ARHGAP26: variants seen among roughly 807,000 people sequenced by gnomAD.
ARHGAP26 encodes Rho GTPase activating protein 26.
In ARHGAP26, 38 loss-of-function variants were observed where a neutral mutation model predicts 104.8. The ratio of observed to expected loss-of-function variants is 0.36; its 90% CI spans 0.28 to 0.48. The LOEUF (loss-of-function observed/expected upper bound fraction) is 0.48. Among genes scored for constraint, ARHGAP26 ranks in the 20% least tolerant of loss-of-function variants. The pLI is 0.99. For missense variants in ARHGAP26, 704 were observed against 947.9 expected (o/e 0.74, Z 3.38); for synonymous variants, 341 against 340.0 (o/e 1.00, Z -0.03).
At chr5:142,962,291 C>G (rs917277272) in intron 11 of ARHGAP26, among the ~76,000 whole-genome samples, 4 of 152,098 alleles carry the variant, frequency 2.6e-5, no homozygotes, top group Non-Finnish European at 5.9e-5. Flanking sequence ...TTTTTTGCAT[C>G]CTTTAACCTC....
chr5:142,821,942 T>C (rs1408360161), intron 1 of ARHGAP26, among the ~76,000 whole-genome samples: 4 of 152,190 alleles, frequency 2.6e-5, no homozygotes, highest in African/African-American at 9.7e-5. Flanking sequence ...CATGAGCTGT[T>C]AGGTTGGCCA....
chr5:142,979,778 T>C (rs1773655220), intron 11 of ARHGAP26, among the ~76,000 whole-genome samples: 1 of 152,170 alleles, frequency 6.6e-6, no homozygotes, highest in South Asian at 2.1e-4. Context: ...GGTAATTCCA[T>C]ATGAAGTTTA....
At chr5:142,890,976 G>A (rs1301937921) in intron 5 of ARHGAP26, among the ~76,000 whole-genome samples, 1 of 152,088 alleles carries the variant, frequency 6.6e-6, no homozygotes, top group African/African-American at 2.4e-5. Flanking sequence ...CTCTGCCTTT[G>A]CAGATTTTCA....
At chr5:142,889,481 G>T (rs115654052) in intron 5 of ARHGAP26, among the ~76,000 whole-genome samples, 6,128 of 152,186 alleles carry the variant, frequency 0.04, 136 homozygotes, top group Middle Eastern at 0.088. Flanking sequence ...AGCTAGATGT[G>T]GTGGCACGCG....
At chr5:142,809,750 C>T (rs1227740849) in intron 1 of ARHGAP26, among the ~76,000 whole-genome samples, 2 of 152,228 alleles carry the variant, frequency 1.3e-5, no homozygotes, top group Non-Finnish European at 2.9e-5. Context: ...ATCTGTCCAT[C>T]CATCCATCCA....
At chr5:142,802,376 C>T (rs1427776370) in intron 1 of ARHGAP26, among the ~76,000 whole-genome samples, 1 of 152,102 alleles carries the variant, frequency 6.6e-6, no homozygotes, top group Non-Finnish European at 1.5e-5. Flanking sequence ...CTGAGATCTG[C>T]CAGTAGATGG....
At chr5:142,842,296 T>C (rs1254081723) in intron 1 of ARHGAP26, among the ~76,000 whole-genome samples, 1 of 152,232 alleles carries the variant, frequency 6.6e-6, no homozygotes, top group Non-Finnish European at 1.5e-5. Flanking sequence ...GCGGCATGTT[T>C]CTTGAAATTG....
intron 20 of ARHGAP26, among the ~76,000 whole-genome samples, chr5:143,169,148 A>G (rs147017334): frequency 6.6e-6 from 1 of 152,192 alleles, no homozygotes; most frequent in Non-Finnish European, 1.5e-5. Flanking sequence ...TCTTCCTCAC[A>G]TGTTTCTGAA....
intron 11 of ARHGAP26, among the ~76,000 whole-genome samples, chr5:142,984,684 T>C (rs982233271): frequency 1.3e-5 from 2 of 152,136 alleles, no homozygotes; most frequent in African/African-American, 4.8e-5. Flanking sequence ...TGTGGTCCCA[T>C]AAGATTATAA....
intron 12 of ARHGAP26, among the ~76,000 whole-genome samples, chr5:143,021,086 C>T (rs1780280119): frequency 6.6e-6 from 1 of 152,194 alleles, no homozygotes; most frequent in African/African-American, 2.4e-5. Flanking sequence ...TAGAATATTA[C>T]AGAAATACAG....
chr5:143,148,747 C>T lies in ARHGAP26; in HGVS notation c.1988+1366C>T, dbSNP rs151013576. On this transcript the variant is annotated intron_variant, in intron 20 of 22. Coordinates refer to ENST00000645722, the MANE Select transcript of ARHGAP26 (RefSeq NM_001135608.3). ...TGAGGTTTGACCTTCTCAGGTTCTCCTATACCCACTTTCCTAGACTTTAGG... is the reference window on the plus strand; with the variant it reads ...TGAGGTTTGACCTTCTCAGGTTCTCTTATACCCACTTTCCTAGACTTTAGG... Among the ~76,000 whole-genome samples the T allele has an allele frequency of 6.5e-3, 991 of 152,294 alleles. 10 individuals are homozygous for T. Among genetic ancestry groups the T allele is most frequent in the Non-Finnish European group, 0.011 (728 of 68,002 alleles).
chr5:143,226,948 T>G lies in ARHGAP26; in HGVS notation c.*4502T>G. On this transcript the variant is annotated 3_prime_UTR_variant, in exon 23 of 23. Coordinates refer to ENST00000645722, the MANE Select transcript of ARHGAP26 (RefSeq NM_001135608.3). ...AGGGAAGGCCTTCTATCCCCTGAGT[T>G]TCTATCAGCTGAAAATGGCAACTGC... 1 of 227,360 alleles carries G rather than the reference T, an allele frequency of 4.4e-6. No individual in the cohort carries two copies. The highest frequency in any genetic ancestry group is 6.3e-5 in the East Asian group (1 of 15,848). 14.1% of individuals were successfully genotyped at this position (227,360 alleles called of 1,614,324 possible). A position where few individuals can be genotyped will look rare whatever the true frequency, so the allele number is the denominator to read the frequency against.
chr5:142,888,744 A>C (rs1758067620), intron 5 of ARHGAP26, among the ~76,000 whole-genome samples: 1 of 152,216 alleles, frequency 6.6e-6, no homozygotes, highest in African/African-American at 2.4e-5. Context: ...CTCGCCTCAA[A>C]AACAGTAGTC....
chr5:143,005,977 ACT>A (rs1387864228), intron 11 of ARHGAP26, among the ~76,000 whole-genome samples: 1 of 151,990 alleles, frequency 6.6e-6, no homozygotes. Flanking sequence ...TTATTTCAGA[ACT>A]CCCCAGTGGT....
At chr5:143,108,356 T>G (rs984893398) in intron 17 of ARHGAP26, among the ~76,000 whole-genome samples, 2 of 152,246 alleles carry the variant, frequency 1.3e-5, no homozygotes, top group African/African-American at 2.4e-5. Context: ...TTTTACCGTA[T>G]GAATTGACCT....
At position 142,980,793 on chromosome 5, in the gene ARHGAP26, A is replaced by C. The variant is rs560819971; in HGVS notation, c.1108-33287A>C. On this transcript the variant is annotated intron_variant, in intron 11 of 22. Coordinates refer to ENST00000645722, the MANE Select transcript of ARHGAP26 (RefSeq NM_001135608.3). ...CATAAGGGACACAAATCTTTACCTT[A>C]GTAAATATTGCCACATAGTCTTGCA... Among the ~76,000 whole-genome samples, 3 of 152,328 alleles carry C rather than the reference A, an allele frequency of 2.0e-5. No individual in the cohort carries two copies. In the South Asian group the frequency reaches 6.2e-4, roughly 32 times the overall value.
intron 17 of ARHGAP26, among the ~76,000 whole-genome samples, chr5:143,087,751 G>A (rs1790815874): frequency 7.1e-6 from 1 of 141,084 alleles, no homozygotes; most frequent in Admixed American, 8.1e-5. Context: ...CCAGGTTCAA[G>A]TGATTCTTCT....
intron 1 of ARHGAP26, among the ~76,000 whole-genome samples, chr5:142,839,404 A>G (rs777707515): frequency 2.6e-5 from 4 of 152,148 alleles, no homozygotes; most frequent in Non-Finnish European, 5.9e-5. Flanking sequence ...TAGGAAGCTA[A>G]TGTACAGAGC....
chr5:142,893,545 G>A (rs1157180245), intron 5 of ARHGAP26, among the ~76,000 whole-genome samples: 1 of 152,140 alleles, frequency 6.6e-6, no homozygotes, highest in Non-Finnish European at 1.5e-5. Context: ...TGTGAGTAGT[G>A]CTGCAATAAA....
Sources: gnomAD v4.1 joint callset for allele counts (sites outside exome capture counted in the v4.1 genomes callset) on GRCh38, gnomAD v4.1.1 for gene constraint, MANE v1.5 for transcripts, NCBI Gene and HGNC (gene_info 2026-07-23, HGNC 2026-07-21) for gene names.